CCDC85A: variants seen among roughly 807,000 people sequenced by gnomAD.
CCDC85A encodes the protein coiled-coil domain containing 85A, also known as coiled-coil domain-containing protein 85A.
Under a neutral mutation model 50.2 loss-of-function variants are expected in CCDC85A, and 38 were observed. The observed-to-expected ratio is 0.76, with a 90% confidence interval of 0.58 to 0.99. The LOEUF (loss-of-function observed/expected upper bound fraction) is 0.99, where lower values mean the gene tolerates loss of function less well. Among genes scored for constraint, CCDC85A ranks in the 50% least tolerant of loss-of-function variants. The pLI, the probability that CCDC85A is intolerant of heterozygous loss-of-function variation, is 0.00. For synonymous variants in CCDC85A, 366 were observed against 301.4 expected, an observed-to-expected ratio of 1.21 and a Z score of -2.22; for missense variants, 820 against 742.0, an observed-to-expected ratio of 1.11 and a Z score of -1.22.
At chr2:56,303,441 T>C (rs144211920) in intron 2 of CCDC85A, among the ~76,000 whole-genome samples, 2 of 152,108 alleles carry the variant, frequency 1.3e-5, no homozygotes, top group Admixed American at 1.3e-4. Context: ...TTAATCAGTA[T>C]TTATTGCATG....
At chr2:56,286,946 T>G (rs78411484) in intron 2 of CCDC85A, among the ~76,000 whole-genome samples, 16,957 of 152,214 alleles carry the variant, frequency 0.11, 1,137 homozygotes, top group East Asian at 0.35. Flanking sequence ...ATTTTAGGTT[T>G]TATCCTTATA....
intron 2 of CCDC85A, among the ~76,000 whole-genome samples, chr2:56,312,375 A>G (rs942700761): frequency 6.6e-6 from 1 of 152,102 alleles, no homozygotes; most frequent in African/African-American, 2.4e-5. Context: ...TAAATGTTTA[A>G]TGTTTATTAT....
intron 2 of CCDC85A, among the ~76,000 whole-genome samples, chr2:56,281,511 A>G (rs1671206747): frequency 6.6e-6 from 1 of 152,184 alleles, no homozygotes; most frequent in African/African-American, 2.4e-5. Context: ...AGCTTCTGAA[A>G]GTGGTTATAT....
At chr2:56,345,500 C>G (rs560489505) in intron 3 of CCDC85A, among the ~76,000 whole-genome samples, 1 of 152,222 alleles carries the variant, frequency 6.6e-6, no homozygotes, top group South Asian at 2.1e-4. Context: ...GTAGATCTGT[C>G]AATTCAAAAA....
chr2:56,310,029 A>G (rs749678578), intron 2 of CCDC85A, among the ~76,000 whole-genome samples: 2 of 152,124 alleles, frequency 1.3e-5, no homozygotes, highest in African/African-American at 2.4e-5. Flanking sequence ...ATCACCTTTT[A>G]CCTGTTTGTT....
At chr2:56,281,954 TA>T (rs1671224757) in intron 2 of CCDC85A, among the ~76,000 whole-genome samples, 1 of 152,178 alleles carries the variant, frequency 6.6e-6, no homozygotes, top group African/African-American at 2.4e-5. Context: ...TATATCCATT[TA>T]AAAATTTTGT....
At chr2:56,234,015 T>G (rs1209323442) in intron 2 of CCDC85A, among the ~76,000 whole-genome samples, 1 of 152,176 alleles carries the variant, frequency 6.6e-6, no homozygotes, top group Non-Finnish European at 1.5e-5. Context: ...AAGGATAAAA[T>G]TTTTCTAAAA....
intron 2 of CCDC85A, among the ~76,000 whole-genome samples, chr2:56,258,805 T>G (rs1422938835): frequency 6.6e-6 from 1 of 152,210 alleles, no homozygotes; most frequent in Non-Finnish European, 1.5e-5. Context: ...AGGAAGAAAC[T>G]GAAGTACGGA....
chr2:56,238,456 T>G (rs1669118337), intron 2 of CCDC85A, among the ~76,000 whole-genome samples: 1 of 151,982 alleles, frequency 6.6e-6, no homozygotes, highest in African/African-American at 2.4e-5. Context: ...TTCATTTTTT[T>G]AAATTAAAAA....
intron 2 of CCDC85A, among the ~76,000 whole-genome samples, chr2:56,246,794 TTAAAA>T (rs1424830025): frequency 1.3e-5 from 2 of 152,206 alleles, no homozygotes; most frequent in African/African-American, 4.8e-5. Flanking sequence ...GATCTTTTCT[TTAAAA>T]TAAAATAAAG....
chr2:56,212,046 A>T lies in CCDC85A; in HGVS notation c.1240+18606A>T, dbSNP rs80070517. Among the ~76,000 whole-genome samples the T allele has an allele frequency of 8.5e-5, 13 of 152,116 alleles. No individual in the cohort carries two copies. In the East Asian group the frequency reaches 1.9e-3, roughly 23 times the overall value. ...GGACTCAGCTCAGCTCATAGACCTTATATCCAAATTACTCCCATATCCTCT... is the reference window on the plus strand; with the variant it reads ...GGACTCAGCTCAGCTCATAGACCTTTTATCCAAATTACTCCCATATCCTCT... On this transcript the variant is annotated intron_variant, in intron 2 of 5. Coordinates refer to ENST00000407595, the MANE Select transcript of CCDC85A (RefSeq NM_001080433.2).
At chr2:56,360,049 A>C (rs1675444163) in intron 3 of CCDC85A, among the ~76,000 whole-genome samples, 1 of 152,232 alleles carries the variant, frequency 6.6e-6, no homozygotes, top group South Asian at 2.1e-4. Context: ...TGACATCAGA[A>C]GAGCCAAATG....
chr2:56,261,350 T>A lies in CCDC85A; in HGVS notation c.1240+67910T>A, dbSNP rs192473316. 8.5e-4 allele frequency among the ~76,000 whole-genome samples: 130 copies of A among 152,328 alleles called. 1 individual carries two copies. Among genetic ancestry groups the A allele is most frequent in the African/African-American group, 3.0e-3 (125 of 41,572 alleles). On this transcript the variant is annotated intron_variant, in intron 2 of 5. Coordinates refer to ENST00000407595, the MANE Select transcript of CCDC85A (RefSeq NM_001080433.2). ...TGCTGTGTGCACATCACCAATGCAT[T>A]TGAATGTATTTTACATCCAAAGTGA...
chr2:56,318,351 G>A (rs1261890412), intron 2 of CCDC85A, among the ~76,000 whole-genome samples: 1 of 151,960 alleles, frequency 6.6e-6, no homozygotes, highest in East Asian at 1.9e-4. Context: ...CAGGGACTGT[G>A]CATGAGCTGT....
At chr2:56,258,064 GT>G (rs1303907166) in intron 2 of CCDC85A, among the ~76,000 whole-genome samples, 1 of 152,212 alleles carries the variant, frequency 6.6e-6, no homozygotes, top group African/African-American at 2.4e-5. Context: ...CCTTTGAGGT[GT>G]TGACTTGGTA....
intron 2 of CCDC85A, among the ~76,000 whole-genome samples, chr2:56,264,977 T>C (rs2193485): frequency 0.32 from 48,906 of 152,130 alleles, 7,912 homozygotes; most frequent in South Asian, 0.37. Context: ...GGAGACCTAC[T>C]TGGACTTGCC....
intron 2 of CCDC85A, among the ~76,000 whole-genome samples, chr2:56,241,444 C>A (rs1669254617): frequency 1.3e-5 from 2 of 152,070 alleles, no homozygotes; most frequent in South Asian, 4.1e-4. Context: ...TTCTTGTGCC[C>A]ATTAACCATC....
At chr2:56,303,428 T>A (rs1672296145) in intron 2 of CCDC85A, among the ~76,000 whole-genome samples, 1 of 152,110 alleles carries the variant, frequency 6.6e-6, no homozygotes, top group African/African-American at 2.4e-5. Flanking sequence ...ACAGAGTAAG[T>A]GCTTAATCAG....
chr2:56,201,076 CCACACACACACA>C (rs72152096), intron 2 of CCDC85A, among the ~76,000 whole-genome samples: 127 of 147,406 alleles, frequency 8.6e-4, no homozygotes, highest in Admixed American at 3.2e-3. Context: ...TCATCTCTCT[CCACACACACACA>C]CACACACACA....
Sources: allele counts gnomAD v4.1 joint callset (sites outside exome capture counted in the v4.1 genomes callset), GRCh38; gene constraint gnomAD v4.1.1; transcripts MANE v1.5; gene names NCBI Gene and HGNC (gene_info 2026-07-23, HGNC 2026-07-21).